Variants in RFTN1 observed in about 807,000 individuals in gnomAD.
RFTN1 encodes the protein raftlin.
A neutral mutation model predicts 46.5 loss-of-function variants in RFTN1; 26 were observed. The ratio of observed to expected loss-of-function variants is 0.56; its 90% CI spans 0.41 to 0.78. The LOEUF (loss-of-function observed/expected upper bound fraction) is 0.78, where lower values mean the gene tolerates loss of function less well. Among genes scored for constraint, RFTN1 ranks in the 30% least tolerant of loss-of-function variants. RFTN1 has a pLI of 0.00. For missense variants in RFTN1, 693 were observed against 718.7 expected (o/e 0.96, Z 0.41); for synonymous variants, 261 against 284.2 (o/e 0.92, Z 0.82).
At chr3:16,441,577 A>G (rs2075625089) in intron 2 of RFTN1, among the ~76,000 whole-genome samples, 1 of 152,226 alleles carries the variant, frequency 6.6e-6, no homozygotes, top group Non-Finnish European at 1.5e-5. Flanking sequence ...CACCGCATAC[A>G]GCAACTGCCC....
At chr3:16,487,897 G>A (rs1210912388) in intron 2 of RFTN1, among the ~76,000 whole-genome samples, 1 of 152,184 alleles carries the variant, frequency 6.6e-6, no homozygotes, top group African/African-American at 2.4e-5. Context: ...TCATCCCTCG[G>A]TGACCAGAGT....
intron 5 of RFTN1, among the ~76,000 whole-genome samples, chr3:16,377,082 T>G (rs2125375228): frequency 6.6e-6 from 1 of 152,204 alleles, no homozygotes; most frequent in South Asian, 2.1e-4. Context: ...TATGGATGGT[T>G]GATTTCCTGA....
rs574395044 is a variant in RFTN1 at position 16,468,749 on chromosome 3, T to C, written c.145+24976A>G. On this transcript the variant is annotated intron_variant, in intron 2 of 9. Coordinates refer to ENST00000334133, the MANE Select transcript of RFTN1 (RefSeq NM_015150.2). The surrounding 1 kb of genome is among the most constrained non-coding windows in gnomAD (Gnocchi z 4.4). ...TAGCCAATTCAAGCTGAGCCAATTA[T>C]CACCAATCATAAAAGATGACTTATA... Among the ~76,000 whole-genome samples the C allele has an allele frequency of 2.6e-5, 4 of 152,106 alleles. No homozygotes were observed. The highest frequency in any genetic ancestry group is 9.6e-5 in the African/African-American group (4 of 41,490).
intron 2 of RFTN1, among the ~76,000 whole-genome samples, chr3:16,469,922 T>C (rs548741777): frequency 6.6e-6 from 1 of 152,322 alleles, no homozygotes; most frequent in Non-Finnish European, 1.5e-5. Flanking sequence ...ATATGTTATC[T>C]CATTTCACCC....
rs571054549 is a variant in RFTN1, at chr3:16,458,746, T to C, written c.146-24709A>G. On this transcript the variant is annotated intron_variant, in intron 2 of 9. Coordinates refer to ENST00000334133, the MANE Select transcript of RFTN1 (RefSeq NM_015150.2). The surrounding 1 kb of genome is among the most constrained non-coding windows in gnomAD (Gnocchi z 5.1). ...ATTCTCAAAACCATAATGCTTTCCA[T>C]AAACTTCAGTTCCCTTTGGGCAGTC... is the stretch of plus-strand genomic sequence containing the variant. Among the ~76,000 whole-genome samples the C allele has an allele frequency of 2.0e-5, 3 of 152,314 alleles. No homozygotes were observed. Among genetic ancestry groups the C allele is most frequent in the Non-Finnish European group, 2.9e-5 (2 of 68,020 alleles).
rs540487586 is a variant in RFTN1, at chr3:16,342,681, C to G, written c.1146+15251G>C. ...TGGCCTCACTAGACTAGTTCTCAAG[C>G]CTTCTTAAGTCTAATTTGCCAAGCC... On this transcript the variant is annotated intron_variant, in intron 7 of 9. Transcript: ENST00000334133. This position sits in a 1 kb window ranked among gnomAD's most constrained non-coding sequence, Gnocchi z 4.0. Among the ~76,000 whole-genome samples, 57 of 152,302 alleles carry G rather than the reference C, an allele frequency of 3.7e-4. No homozygotes were observed. The highest frequency in any genetic ancestry group is 1.3e-3 in the African/African-American group (53 of 41,570).
chr3:16,324,646 TTGTGTGTGTGTGTG>T (rs71632869), intron 8 of RFTN1, among the ~76,000 whole-genome samples: 79 of 100,468 alleles, frequency 7.9e-4, no homozygotes, highest in South Asian at 4.4e-3. Flanking sequence ...TAGTATTCCA[TTGTGTGTGTGTGTG>T]TGTGTGTGTG....
In RFTN1 at chr3:16,326,707, A is replaced by C. The variant is rs928100236; in HGVS notation, c.1250+66T>G. On this transcript the variant is annotated intron_variant, in intron 8 of 9. Coordinates refer to ENST00000334133, the MANE Select transcript of RFTN1 (RefSeq NM_015150.2). ...AATAATTTATAGACGTGAGGTGCTC[A>C]TTAGGAACAGTGACTAGCACAGAGT... is the stretch of plus-strand genomic sequence containing the variant. 7 of 1,236,992 alleles carry C rather than the reference A, an allele frequency of 5.7e-6. No individual in the cohort carries two copies. The South Asian group carries it at 7.5e-5, about 13-fold the overall frequency. The allele number at this position is 1,236,992 out of a possible 1,614,324, so 76.6% of individuals were successfully genotyped here. A position where few individuals can be genotyped will look rare whatever the true frequency, so the allele number is the denominator to read the frequency against.
At chr3:16,375,928 G>A (rs1005754318) in intron 5 of RFTN1, among the ~76,000 whole-genome samples, 1 of 152,282 alleles carries the variant, frequency 6.6e-6, no homozygotes, top group East Asian at 1.9e-4. Context: ...GGAGATTCTG[G>A]GTGAGGAAGG....
At chr3:16,318,874 G>A (rs1363706565) in intron 9 of RFTN1, among the ~76,000 whole-genome samples, 1 of 152,186 alleles carries the variant, frequency 6.6e-6, no homozygotes, top group Non-Finnish European at 1.5e-5. Context: ...CCCAAACTGT[G>A]AGGATCCCAA....
intron 4 of RFTN1, among the ~76,000 whole-genome samples, chr3:16,389,051 T>C (rs1217525689): frequency 6.6e-6 from 1 of 152,226 alleles, no homozygotes; most frequent in Non-Finnish European, 1.5e-5. Context: ...GAGCAGATGT[T>C]TCTCTTCACA....
chr3:16,432,034 G>A (rs55798912), intron 3 of RFTN1, among the ~76,000 whole-genome samples: 14,963 of 152,162 alleles, frequency 0.098, 1,964 homozygotes, highest in African/African-American at 0.3. Context: ...GAACAAAGAT[G>A]ACACTTATTT....
Position 16,338,364 on chromosome 3 carries a change from A to T in RFTN1, c.1147-11488T>A, listed in dbSNP as rs1361380027. 6.6e-6 allele frequency among the ~76,000 whole-genome samples: 1 copy of T among 152,188 alleles called. No individual in the cohort carries two copies. On this transcript the variant is annotated intron_variant, in intron 7 of 9. Coordinates refer to ENST00000334133, the MANE Select transcript of RFTN1 (RefSeq NM_015150.2). This position sits in a 1 kb window ranked among gnomAD's most constrained non-coding sequence, Gnocchi z 5.3. ...GGCTAAGGGGCGATGGCTGGGGCCA[A>T]CTCTGACCCGTAGCAGGGACAGGCA... is the stretch of plus-strand genomic sequence containing the variant.
Position 16,382,636 on chromosome 3 carries a change from G to A in RFTN1, c.442-4534C>T, listed in dbSNP as rs1402911534. 2.6e-5 allele frequency among the ~76,000 whole-genome samples: 4 copies of A among 152,108 alleles called. No individual in the cohort carries two copies. The highest frequency in any genetic ancestry group is 9.7e-5 in the African/African-American group (4 of 41,416). On this transcript the variant is annotated intron_variant, in intron 4 of 9. Transcript: ENST00000334133. The surrounding 1 kb of genome is among the most constrained non-coding windows in gnomAD (Gnocchi z 4.7). Reference sequence around the variant, plus strand: ...GCAAGTTCAGACCTACACAGAAGACGATCACAGCTGACGGGTCCACTGTTG... The same window carrying A: ...GCAAGTTCAGACCTACACAGAAGACAATCACAGCTGACGGGTCCACTGTTG...
chr3:16,405,092 T>C (rs1390574878), intron 4 of RFTN1, among the ~76,000 whole-genome samples: 1 of 152,128 alleles, frequency 6.6e-6, no homozygotes, highest in African/African-American at 2.4e-5. Flanking sequence ...GATGAACACA[T>C]AGGCTGTTCA....
chr3:16,441,667 G>A (rs1386228406), intron 2 of RFTN1, among the ~76,000 whole-genome samples: 1 of 152,198 alleles, frequency 6.6e-6, no homozygotes, highest in Non-Finnish European at 1.5e-5. Flanking sequence ...AATCATTTGT[G>A]ACTTTAACCT....
chr3:16,396,545 G>A (rs138119982), intron 4 of RFTN1, among the ~76,000 whole-genome samples: 124 of 152,322 alleles, frequency 8.1e-4, no homozygotes, highest in African/African-American at 2.7e-3. Context: ...TGCCGAGCAC[G>A]TCTTTCTAGA....
chr3:16,465,980 C>G lies in RFTN1; in HGVS notation c.145+27745G>C, dbSNP rs1002588046. The stretch of plus-strand genomic sequence containing the variant: ...TGTTTCTCTCAGCGCTTAGATTTCT[C>G]CAGAGGCAGAAAGGCAGAAGCAGAA... On this transcript the variant is annotated intron_variant, in intron 2 of 9. Coordinates refer to ENST00000334133, the MANE Select transcript of RFTN1 (RefSeq NM_015150.2). This position sits in a 1 kb window ranked among gnomAD's most constrained non-coding sequence, Gnocchi z 5.1. Among the ~76,000 whole-genome samples the G allele has an allele frequency of 6.6e-6, 1 of 152,188 alleles. No homozygotes were observed. The highest frequency in any genetic ancestry group is 2.4e-5 in the African/African-American group (1 of 41,440).
At chr3:16,445,481 TCTCA>T (rs1281264928) in intron 2 of RFTN1, among the ~76,000 whole-genome samples, 44 of 54,960 alleles carry the variant, frequency 8.0e-4, no homozygotes, top group Non-Finnish European at 1.3e-3. Context: ...TCTCTCTCTC[TCTCA>T]CACACACACA....
Sources: gnomAD v4.1 joint callset for allele counts (sites outside exome capture counted in the v4.1 genomes callset) on GRCh38, gnomAD v4.1.1 for gene constraint, Gnocchi (gnomAD v3.1) non-coding constraint, MANE v1.5 for transcripts, NCBI Gene and HGNC (gene_info 2026-07-23, HGNC 2026-07-21) for gene names.